CACNA1B: variants seen among roughly 807,000 people sequenced by gnomAD.
CACNA1B encodes calcium voltage-gated channel subunit alpha1 B.
CACNA1B carries 70 observed loss-of-function variants against 247.2 expected under a neutral mutation model. The ratio of observed to expected loss-of-function variants is 0.28; its 90% confidence interval spans 0.23 to 0.35. The LOEUF (loss-of-function observed/expected upper bound fraction) is 0.35, where lower values mean the gene tolerates loss of function less well. Ranked by LOEUF, CACNA1B falls within the 10% of genes least tolerant of loss-of-function variation. The pLI, the probability that CACNA1B is intolerant of heterozygous loss-of-function variation, is 1.00. For missense variants in CACNA1B, 2,367 were observed against 3,197.4 expected, an observed-to-expected ratio of 0.74 and a Z score of 6.26; for synonymous variants, 1,231 against 1,294.4, an observed-to-expected ratio of 0.95 and a Z score of 1.05.
chr9:138,069,961 T>C (rs1264249004), intron 32 of CACNA1B, among the ~76,000 whole-genome samples, 198 bp downstream of exon 32: 3 of 152,174 alleles, frequency 2.0e-5, no homozygotes, highest in Non-Finnish European at 4.4e-5. Flanking sequence ...AGGGCCCTCC[T>C]GGCAGCGATT....
At chr9:137,932,755 A>C (rs1354330077) in intron 6 of CACNA1B, among the ~76,000 whole-genome samples, 1 of 152,174 alleles carries the variant, frequency 6.6e-6, no homozygotes, top group African/African-American at 2.4e-5. Flanking sequence ...GACCATACTT[A>C]GGCTGTCCAT....
In CACNA1B at chr9:138,054,771, T is replaced by G. The variant is rs1431064643; in HGVS notation, c.3968+765T>G. Among the ~76,000 whole-genome samples the G allele has an allele frequency of 6.6e-6, 1 of 152,176 alleles. No individual in the cohort carries two copies. Among genetic ancestry groups the G allele is most frequent in the Non-Finnish European group, 1.5e-5 (1 of 68,024 alleles). ...GCCAGGCCCTTGTGTAAAATTACAC[T>G]CTCTCCAGCGTAGATGAGAGCCCCA... is the stretch of plus-strand genomic sequence containing the variant. On this transcript the variant is annotated intron_variant, in intron 26 of 46. Transcript: ENST00000371372. This position sits in a 1 kb window ranked among gnomAD's most constrained non-coding sequence, Gnocchi z 4.6.
At chr9:138,080,231 A>T (rs1275474248) in intron 36 of CACNA1B, among the ~76,000 whole-genome samples, 1 of 152,148 alleles carries the variant, frequency 6.6e-6, no homozygotes, top group Non-Finnish European at 1.5e-5. Flanking sequence ...GAGTGTGGTT[A>T]TTGTGCTGGA....
At chr9:138,065,666 C>T (rs1959889646) in intron 31 of CACNA1B, among the ~76,000 whole-genome samples, 3 of 152,080 alleles carry the variant, frequency 2.0e-5, no homozygotes, top group South Asian at 2.1e-4. Flanking sequence ...CAGCACAATC[C>T]GAAACACAGA....
rs867232784 is a variant in CACNA1B, at chr9:138,086,556, G to A, written c.5094+8298G>A. On this transcript the variant is annotated intron_variant, in intron 36 of 46. Coordinates refer to ENST00000371372, the MANE Select transcript of CACNA1B (RefSeq NM_000718.4). ...ATCTCTTTAAGAAAAAAAATTTTAGGGCAAGGAATGTCATTATATAATGAT... is the reference window on the plus strand; with the variant it reads ...ATCTCTTTAAGAAAAAAAATTTTAGAGCAAGGAATGTCATTATATAATGAT... Among the ~76,000 whole-genome samples, 62 of 150,890 alleles carry A rather than the reference G, an allele frequency of 4.1e-4. 4 individuals carry two copies. The highest frequency in any genetic ancestry group is 1.5e-3 in the African/African-American group (61 of 40,696).
chr9:137,959,946 G>T (rs553360764), intron 10 of CACNA1B, among the ~76,000 whole-genome samples: 2 of 152,304 alleles, frequency 1.3e-5, no homozygotes, highest in African/African-American at 4.8e-5. Context: ...GAGTGGAAGC[G>T]TGTGGAGGGG....
intron 36 of CACNA1B, among the ~76,000 whole-genome samples, chr9:138,084,824 C>T (rs998538641): frequency 6.6e-6 from 1 of 150,532 alleles, no homozygotes; most frequent in Non-Finnish European, 1.5e-5. Context: ...CGGTGGTGGG[C>T]GCCTGTAGTC....
intron 20 of CACNA1B, 52 bp downstream of exon 20, chr9:138,025,224 C>T: frequency 2.4e-6 from 3 of 1,258,888 alleles, no homozygotes; most frequent in Non-Finnish European, 2.3e-6. Context: ...GCAGGTCCAG[C>T]AACCCCCATT....
At chr9:137,960,052 C>T (rs1010356220) in intron 10 of CACNA1B, among the ~76,000 whole-genome samples, 6 of 146,122 alleles carry the variant, frequency 4.1e-5, no homozygotes, top group African/African-American at 7.6e-5. Flanking sequence ...TGAGGGACGC[C>T]GGGGCGGGGG....
At chr9:138,077,638 G>A (rs919056246) in intron 35 of CACNA1B, among the ~76,000 whole-genome samples, 12 of 152,162 alleles carry the variant, frequency 7.9e-5, no homozygotes, top group African/African-American at 2.2e-4. Flanking sequence ...GGTCATGGTC[G>A]CTTGGCCTAG....
chr9:138,064,453 G>A (rs1031457123), intron 31 of CACNA1B, among the ~76,000 whole-genome samples: 2 of 152,250 alleles, frequency 1.3e-5, no homozygotes, highest in African/African-American at 4.8e-5. Flanking sequence ...TTTGTCCATG[G>A]TGGTGGCTGT....
intron 20 of CACNA1B, among the ~76,000 whole-genome samples, chr9:138,028,684 G>A (rs1017209108): frequency 4.6e-5 from 7 of 152,214 alleles, no homozygotes; most frequent in Non-Finnish European, 2.9e-5. Context: ...GCATTCCAGA[G>A]GAGAAAGAGA....
intron 15 of CACNA1B, among the ~76,000 whole-genome samples, chr9:138,004,787 C>CA (rs969375732): frequency 1.1e-4 from 16 of 151,288 alleles, no homozygotes; most frequent in East Asian, 5.8e-4. Context: ...AACTCAACAG[C>CA]AAAAAAAACA....
intron 22 of CACNA1B, 88 bp from the exon 23 acceptor site, chr9:138,047,311 G>A: frequency 1.0e-6 from 1 of 992,044 alleles, no homozygotes; most frequent in Non-Finnish European, 1.6e-6. Flanking sequence ...ACTGCTCAGA[G>A]GCCTGGAGGA....
intron 34 of CACNA1B, 85 bp from the exon 35 acceptor site, chr9:138,075,734 C>T (rs1396821281): frequency 5.9e-6 from 5 of 840,634 alleles, no homozygotes; most frequent in Non-Finnish European, 7.9e-6. Flanking sequence ...CCTTGTACGG[C>T]TCGCACGCCC....
At chr9:137,994,130 A>G (rs1288097261) in intron 15 of CACNA1B, among the ~76,000 whole-genome samples, 2 of 152,246 alleles carry the variant, frequency 1.3e-5, no homozygotes, top group African/African-American at 4.8e-5. Context: ...CAGAAAAAGC[A>G]TTCAACAGAA....
Position 138,072,577 on chromosome 9 carries a change from CTG to C in CACNA1B, c.4675-904_4675-903del, listed in dbSNP as rs897511808. 1.3e-5 allele frequency among the ~76,000 whole-genome samples: 2 copies of C among 152,238 alleles called. No individual in the cohort carries two copies. The highest frequency in any genetic ancestry group is 2.4e-5 in the African/African-American group (1 of 41,468). On this transcript the variant is annotated intron_variant, in intron 32 of 46. Transcript: ENST00000371372. The surrounding 1 kb of genome is among the most constrained non-coding windows in gnomAD (Gnocchi z 4.5). Reference sequence around the variant, plus strand: ...GCAGTGGCAGGAAGCTGCTCTCAGGCTGTGTGTGGGCACCTGACCTCTAGGTA... The same window carrying C: ...GCAGTGGCAGGAAGCTGCTCTCAGGCTGTGTGGGCACCTGACCTCTAGGTA...
At chr9:137,903,154 C>T (rs901641070) in intron 3 of CACNA1B, among the ~76,000 whole-genome samples, 8 of 152,064 alleles carry the variant, frequency 5.3e-5, no homozygotes, top group Non-Finnish European at 7.4e-5. Context: ...GAGGCTGAGG[C>T]GGGCGGATCA....
At chr9:138,001,585 A>C (rs1958578493) in intron 15 of CACNA1B, among the ~76,000 whole-genome samples, 1 of 152,146 alleles carries the variant, frequency 6.6e-6, no homozygotes, top group African/African-American at 2.4e-5. Context: ...ATGTCGTAAG[A>C]AAAAAGAAAG....
Sources: allele counts gnomAD v4.1 joint callset (sites outside exome capture counted in the v4.1 genomes callset), GRCh38; gene constraint gnomAD v4.1.1; non-coding constraint Gnocchi (gnomAD v3.1); transcripts MANE v1.5; gene names NCBI Gene and HGNC (gene_info 2026-07-23, HGNC 2026-07-21).